The following ZNF469 variants were observed in gnomAD, a reference collection of about 807,000 sequenced individuals.
ZNF469 encodes zinc finger protein 469.
A neutral mutation model predicts 1.0 loss-of-function variants in ZNF469; 1 was observed. The observed-to-expected ratio is 1.00, with a 90% CI of 0.35 to 4.73. The LOEUF is 4.73. ZNF469 is among the 30% of genes most tolerant of loss of function. The probability of loss-of-function intolerance (pLI) is 0.16; values close to 1 mark genes in which losing one functional copy is unlikely to be tolerated. For missense variants in ZNF469, 6,100 were observed against 5,356.3 expected (o/e 1.14, Z -4.33); for synonymous variants, 2,703 against 2,363.4 (o/e 1.14, Z -4.17).
the ZNF469 span, among the ~76,000 whole-genome samples, chr16:88,245,418 T>A: frequency 6.6e-6 from 1 of 152,374 alleles, no homozygotes; most frequent in South Asian, 2.1e-4. Flanking sequence ...GGCCTCTCCC[T>A]CCTGGACCGT....
At chr16:88,324,882 A>G in the ZNF469 span, among the ~76,000 whole-genome samples, 1 of 152,146 alleles carries the variant, frequency 6.6e-6, no homozygotes, top group African/African-American at 2.4e-5. Flanking sequence ...TGGGCAATTT[A>G]TAAAGAAAAG....
the ZNF469 span, among the ~76,000 whole-genome samples, chr16:88,193,036 A>G: frequency 0.036 from 1,476 of 41,400 alleles, no homozygotes; most frequent in Middle Eastern, 0.058. Context: ...GATGGTGGTG[A>G]TGGTGGTGGT....
At chr16:88,121,314 C>T in the ZNF469 span, among the ~76,000 whole-genome samples, 1 of 151,928 alleles carries the variant, frequency 6.6e-6, no homozygotes, top group Non-Finnish European at 1.5e-5. Context: ...AGGAGTTCAC[C>T]CTATTATTAA....
chr16:88,136,222 G>A, the ZNF469 span, among the ~76,000 whole-genome samples: 1 of 152,180 alleles, frequency 6.6e-6, no homozygotes, highest in Non-Finnish European at 1.5e-5. Flanking sequence ...GAGGCTGTGA[G>A]GATAGAGCCA....
At position 88,430,074 on chromosome 16, in the gene ZNF469, C is replaced by A. The variant is rs1352497178; in HGVS notation, c.2604C>A (p.Phe868Leu). ...PEIDSSFIDVFADEEPSGPRG... is the reference protein window; with the variant it reads ...PEIDSSFIDVLADEEPSGPRG... ...TCGACAGCAGCTTCATCGACGTCTT[C>A]GCGGACGAGGAGCCTTCCGGCCCCA... Residue 868 changes from phenylalanine (F) to leucine (L), a missense_variant, in exon 3 of 3, where the codon TTC (phenylalanine) becomes TTA (leucine). Physicochemically the swap from Phe to Leu is conservative, Grantham distance 22. Coordinates refer to ENST00000565624, the MANE Select transcript of ZNF469 (RefSeq NM_001367624.2). 1.2e-5 allele frequency: 19 copies of A among 1,550,244 alleles called. No individual in the cohort carries two copies. Among genetic ancestry groups the A allele is most frequent in the Non-Finnish European group, 1.6e-5 (18 of 1,146,964 alleles).
the ZNF469 span, among the ~76,000 whole-genome samples, chr16:88,150,266 C>T: frequency 9.2e-5 from 14 of 152,214 alleles, no homozygotes; most frequent in Non-Finnish European, 1.9e-4. Flanking sequence ...ACCGAGATCA[C>T]ACCACTGCAC....
chr16:88,166,954 T>C, the ZNF469 span, among the ~76,000 whole-genome samples: 15 of 151,952 alleles, frequency 9.9e-5, no homozygotes, highest in African/African-American at 3.4e-4. This position sits in a 1 kb window ranked among gnomAD's most constrained non-coding sequence, Gnocchi z 4.5. Context: ...GCTGGCGAGC[T>C]CACGGTGTGC....
chr16:88,372,688 C>T, the ZNF469 span, among the ~76,000 whole-genome samples: 2 of 148,660 alleles, frequency 1.3e-5, no homozygotes, highest in South Asian at 2.2e-4. Flanking sequence ...ACCATCATCA[C>T]CATCACCATT....
chr16:88,385,739 A>G (rs894028778), intron 1 of ZNF469, among the ~76,000 whole-genome samples: 2 of 152,026 alleles, frequency 1.3e-5, no homozygotes, highest in Admixed American at 6.6e-5. Flanking sequence ...TTAAGAGTCC[A>G]GGCTCTGGGA....
chr16:88,430,016 A>G lies in ZNF469; in HGVS notation c.2546A>G (p.Asn849Ser). ...KLDSLITEAL[N>S]GMEYQSDNPE... is the part of the protein sequence containing the mutation. ...GACAGCCTCATCACAGAGGCGCTCAACGGCATGGAGTACCAGTCGGACAAC... is the reference window on the plus strand; with the variant it reads ...GACAGCCTCATCACAGAGGCGCTCAGCGGCATGGAGTACCAGTCGGACAAC... Residue 849 changes from asparagine (N) to serine (S), a missense_variant, in exon 3 of 3, where the codon AAC (asparagine) becomes AGC (serine). By Grantham distance (46) the Asn-to-Ser change is conservative. Transcript: ENST00000565624. 1.9e-6 allele frequency: 3 copies of G among 1,550,362 alleles called. No individual in the cohort carries two copies. Among genetic ancestry groups the G allele is most frequent in the East Asian group, 2.4e-5 (1 of 40,916 alleles).
At chr16:88,102,672 A>T in the ZNF469 span, among the ~76,000 whole-genome samples, 3 of 152,188 alleles carry the variant, frequency 2.0e-5, no homozygotes, top group Non-Finnish European at 4.4e-5. Context: ...GACAGCCCTC[A>T]TCGTCCTCCC....
In ZNF469 at chr16:88,430,952, C is replaced by G. The variant is rs903409672; in HGVS notation, c.3482C>G (p.Ser1161Cys). The change falls in exon 3 of 3, where the codon TCT becomes TGT. Residue 1161 changes from serine to cysteine, a missense_variant. By Grantham distance (112) the Ser-to-Cys change is moderately radical. Transcript: ENST00000565624. ...GCGAACCCCGAGGAGCCGGGCGGGTCTCGCCCGGGCCCCGGCAGGAGCCCT... is the reference window on the plus strand; with the variant it reads ...GCGAACCCCGAGGAGCCGGGCGGGTGTCGCCCGGGCCCCGGCAGGAGCCCT... ...APANPEEPGG[S>C]RPGPGRSPQA... 1.3e-6 allele frequency: 2 copies of G among 1,535,510 alleles called. No homozygotes were observed. The highest frequency in any genetic ancestry group is 2.8e-5 in the African/African-American group (2 of 72,656).
rs537163985 is a variant in ZNF469 at position 88,393,901 on chromosome 16, G to A, written c.-192+10647G>A. ...GACGTCATCGGGGACCCCAAAGGGC[G>A]AGCCATGCTGGGGCCTCAGGAAGGA... On this transcript the variant is annotated intron_variant, in intron 1 of 2. Transcript: ENST00000565624. 8.5e-5 allele frequency among the ~76,000 whole-genome samples: 13 copies of A among 152,340 alleles called. 1 individual carries two copies. The highest frequency in any genetic ancestry group is 2.9e-4 in the African/African-American group (12 of 41,576).
chr16:88,307,959 A>G, the ZNF469 span, among the ~76,000 whole-genome samples: 1 of 152,204 alleles, frequency 6.6e-6, no homozygotes, highest in Non-Finnish European at 1.5e-5. Context: ...TAAGAGTGTT[A>G]TGGTTTCGGC....
chr16:88,179,370 T>G, the ZNF469 span, among the ~76,000 whole-genome samples: 1 of 152,274 alleles, frequency 6.6e-6, no homozygotes, highest in East Asian at 1.9e-4. Flanking sequence ...TGGCTTCCTC[T>G]CCCACTGTGC....
the ZNF469 span, among the ~76,000 whole-genome samples, chr16:88,180,912 A>G: frequency 2.7e-3 from 410 of 152,356 alleles, 3 homozygotes; most frequent in African/African-American, 9.4e-3. Flanking sequence ...ATCCCTGAGT[A>G]TCGTTGGAAA....
the ZNF469 span, among the ~76,000 whole-genome samples, chr16:88,375,532 A>G: frequency 6.6e-6 from 1 of 152,206 alleles, no homozygotes; most frequent in Admixed American, 6.5e-5. Flanking sequence ...ATTGCCATGA[A>G]TGGTTCCACA....
chr16:88,102,396 T>C, the ZNF469 span, among the ~76,000 whole-genome samples: 1 of 152,204 alleles, frequency 6.6e-6, no homozygotes, highest in Non-Finnish European at 1.5e-5. Flanking sequence ...GGCAGGCACC[T>C]GTAATCCCAG....
chr16:88,372,735 C>G, the ZNF469 span, among the ~76,000 whole-genome samples: 1 of 148,608 alleles, frequency 6.7e-6, no homozygotes, highest in Middle Eastern at 3.8e-3. Context: ...ATCATCTTCA[C>G]CATCACCACC....
Sources: allele counts gnomAD v4.1 joint callset (sites outside exome capture counted in the v4.1 genomes callset), GRCh38; gene constraint gnomAD v4.1.1; non-coding constraint Gnocchi (gnomAD v3.1); transcripts MANE v1.5; gene names NCBI Gene and HGNC (gene_info 2026-07-23, HGNC 2026-07-21).